Variants in TUSC3 observed in about 807,000 individuals in gnomAD.
TUSC3 encodes the protein dolichyl-diphosphooligosaccharide--protein glycosyltransferase subunit TUSC3.
In TUSC3, 45 loss-of-function variants were observed where a neutral mutation model predicts 44.8. That is an observed-to-expected ratio of 1.00 (90% CI 0.79 to 1.29). The LOEUF is 1.29. Among genes scored for constraint, TUSC3 ranks in the 50% most tolerant of loss-of-function variants. The probability of loss-of-function intolerance (pLI) is 0.00; values close to 1 mark genes in which losing one functional copy is unlikely to be tolerated. For synonymous variants in TUSC3, 212 were observed against 152.9 expected (o/e 1.39, Z -2.85); for missense variants, 519 against 437.9 (o/e 1.19, Z -1.65).
At chr8:15,811,881 G>A in the TUSC3 span, among the ~76,000 whole-genome samples, 2 of 151,810 alleles carry the variant, frequency 1.3e-5, no homozygotes, top group East Asian at 3.9e-4. Flanking sequence ...AGTTCTCCAG[G>A]CACTGATTCT....
intron 1 of TUSC3, among the ~76,000 whole-genome samples, chr8:15,448,526 G>A (rs1800142693): frequency 1.3e-5 from 2 of 152,014 alleles, no homozygotes; most frequent in African/African-American, 4.8e-5. Context: ...TCTTTCAAAT[G>A]TTCTACTCTT....
At chr8:15,807,243 T>A in the TUSC3 span, 1 of 649,118 alleles carries the variant, frequency 1.5e-6, no homozygotes, top group African/African-American at 1.8e-5. Context: ...CCCCCAGGCA[T>A]TATGCTCTTC....
intron 1 of TUSC3, among the ~76,000 whole-genome samples, chr8:15,591,709 C>G (rs548624374): frequency 3.3e-5 from 5 of 152,074 alleles, no homozygotes. Flanking sequence ...CTTCTAGACA[C>G]AAAAGTTCTG....
intron 1 of TUSC3, among the ~76,000 whole-genome samples, chr8:15,444,886 C>T (rs1012017571): frequency 2.0e-5 from 3 of 152,160 alleles, no homozygotes; most frequent in African/African-American, 7.2e-5. Flanking sequence ...GGAGAAATGT[C>T]AAAGTCCCGG....
chr8:15,698,904 G>C (rs1445950190), intron 6 of TUSC3, among the ~76,000 whole-genome samples: 1 of 150,258 alleles, frequency 6.7e-6, no homozygotes, highest in African/African-American at 2.5e-5. Flanking sequence ...GGAGTTCAGT[G>C]GCGTGATCAC....
At chr8:15,551,657 T>TAA (rs796543793) in intron 1 of TUSC3, among the ~76,000 whole-genome samples, 17 of 151,914 alleles carry the variant, frequency 1.1e-4, no homozygotes, top group African/African-American at 4.1e-4. Flanking sequence ...ATAGGTGTTA[T>TAA]ATACCACAGT....
intron 1 of TUSC3, among the ~76,000 whole-genome samples, chr8:15,596,356 A>C (rs780052772): frequency 3.9e-5 from 6 of 152,194 alleles, no homozygotes; most frequent in Non-Finnish European, 8.8e-5. Context: ...CATGGGTTTG[A>C]ACTGCACACA....
intron 2 of TUSC3, among the ~76,000 whole-genome samples, chr8:15,487,839 T>C (rs1167597972): frequency 3.3e-5 from 5 of 152,152 alleles, no homozygotes; most frequent in African/African-American, 1.2e-4. Flanking sequence ...AAGCAAACTA[T>C]ATCTAATTTA....
intron 6 of TUSC3, among the ~76,000 whole-genome samples, chr8:15,700,911 C>T (rs1809374701): frequency 7.8e-6 from 1 of 128,448 alleles, no homozygotes; most frequent in Admixed American, 9.0e-5. Flanking sequence ...TCTCCAGTAT[C>T]ATCCAGTCCA....
chr8:15,593,306 G>T (rs184088329), intron 1 of TUSC3, among the ~76,000 whole-genome samples: 1 of 152,000 alleles, frequency 6.6e-6, no homozygotes. Flanking sequence ...GGTTGGTCTC[G>T]AACTCCTGAC....
downstream of TUSC3, among the ~76,000 whole-genome samples, chr8:15,770,419 G>T (rs1256696551): frequency 1.3e-5 from 2 of 152,114 alleles, no homozygotes; most frequent in African/African-American, 4.8e-5. Context: ...GGGATCAGGG[G>T]CTGGGGAGAG....
At chr8:15,547,610 T>C (rs1801917388) in intron 1 of TUSC3, among the ~76,000 whole-genome samples, 1 of 151,452 alleles carries the variant, frequency 6.6e-6, no homozygotes, top group African/African-American at 2.4e-5. Context: ...ATTGAATGTT[T>C]ATGTTCCCAC....
intron 6 of TUSC3, chr8:15,688,935 G>C (rs1160526143): frequency 1.1e-5 from 2 of 181,306 alleles, no homozygotes; most frequent in African/African-American, 4.8e-5. Context: ...TCGCCTGCTT[G>C]AGGGAGTTGA....
intron 1 of TUSC3, among the ~76,000 whole-genome samples, chr8:15,545,636 G>A (rs186310178): frequency 6.6e-6 from 1 of 151,702 alleles, no homozygotes; most frequent in African/African-American, 2.4e-5. Flanking sequence ...CATTTTCAGG[G>A]TATTTTTCTC....
the TUSC3 span, among the ~76,000 whole-genome samples, chr8:15,840,074 G>T: frequency 7.9e-5 from 12 of 152,160 alleles, no homozygotes; most frequent in Admixed American, 7.9e-4. Flanking sequence ...CATGTCCTTT[G>T]TAGGGACATG....
intron 2 of TUSC3, among the ~76,000 whole-genome samples, chr8:15,638,564 C>T (rs1168270931): frequency 1.6e-5 from 2 of 123,710 alleles, no homozygotes; most frequent in African/African-American, 6.2e-5. Context: ...CACTCTGTTG[C>T]CCATGCTGGA....
chr8:15,599,221 A>G (rs922909129), intron 1 of TUSC3, among the ~76,000 whole-genome samples: 11 of 151,788 alleles, frequency 7.2e-5, no homozygotes, highest in Non-Finnish European at 1.6e-4. Flanking sequence ...TGCTATTTGT[A>G]TATCTTCTTT....
At chr8:15,553,773 A>C (rs919183550) in intron 1 of TUSC3, among the ~76,000 whole-genome samples, 1 of 151,754 alleles carries the variant, frequency 6.6e-6, no homozygotes, top group African/African-American at 2.4e-5. Context: ...TGGTAGCTGG[A>C]GAAGAAGCTG....
intron 2 of TUSC3, among the ~76,000 whole-genome samples, chr8:15,513,198 T>G (rs911552294): frequency 3.3e-5 from 5 of 151,792 alleles, no homozygotes; most frequent in Admixed American, 2.6e-4. Context: ...AACATAAGAT[T>G]AAGGCTAACC....
Sources: allele counts gnomAD v4.1 joint callset (sites outside exome capture counted in the v4.1 genomes callset), GRCh38; gene constraint gnomAD v4.1.1; transcripts MANE v1.5; gene names NCBI Gene and HGNC (gene_info 2026-07-23, HGNC 2026-07-21).